The following PCDHGB4 variants were observed in gnomAD, a reference collection of about 807,000 sequenced individuals.
PCDHGB4 encodes the protein protocadherin gamma-B4.
A neutral mutation model predicts 60.5 loss-of-function variants in PCDHGB4; 38 were observed. That is an observed-to-expected ratio of 0.63 (90% CI 0.48 to 0.82). PCDHGB4 has a LOEUF of 0.82. Among genes scored for constraint, PCDHGB4 ranks in the 40% least tolerant of loss-of-function variants. The pLI is 0.00. For missense variants in PCDHGB4, 1,109 were observed against 1,209.6 expected, an observed-to-expected ratio of 0.92 and a Z score of 1.23; for synonymous variants, 456 against 509.7, an observed-to-expected ratio of 0.89 and a Z score of 1.42.
At position 141,422,169 on chromosome 5, in the gene PCDHGB4, A is replaced by G. The variant is rs1386896405; in HGVS notation, c.2397+31888A>G. 2.6e-6 allele frequency: 4 copies of G among 1,563,898 alleles called. No homozygotes were observed. In the South Asian group the frequency reaches 4.9e-5, roughly 19 times the overall value. On this transcript the variant is annotated intron_variant, in intron 1 of 3. Coordinates refer to ENST00000519479, the MANE Select transcript of PCDHGB4 (RefSeq NM_003736.4). ...GGTCTCTGGATTTTGAAAAATATAG[A>G]TTCTATGAGATGGAAATTCAAGGCC...
chr5:141,497,775 A>G (rs2099779384), intron 2 of PCDHGB4, among the ~76,000 whole-genome samples: 2 of 152,054 alleles, frequency 1.3e-5, no homozygotes, highest in South Asian at 4.2e-4. Context: ...CCCGACCTCA[A>G]CTGATCCACC....
chr5:141,423,501 C>G, intron 1 of PCDHGB4: 1 of 1,613,990 alleles, frequency 6.2e-7, no homozygotes, highest in African/African-American at 1.3e-5. Flanking sequence ...CCCACGAGGT[C>G]TCTCTCATTG....
chr5:141,419,564 C>A (rs2096400387), intron 1 of PCDHGB4: 5 of 1,611,832 alleles, frequency 3.1e-6, no homozygotes, highest in Non-Finnish European at 4.2e-6. Context: ...TGCGCTGGGT[C>A]CCGACGGCTC....
intron 3 of PCDHGB4, among the ~76,000 whole-genome samples, chr5:141,509,065 T>A (rs1294546432): frequency 6.6e-6 from 1 of 152,018 alleles, no homozygotes; most frequent in Non-Finnish European, 1.5e-5. Context: ...AGCTCTCAGC[T>A]CCGGGGATTT....
chr5:141,455,753 G>T (rs2098830630), intron 1 of PCDHGB4, among the ~76,000 whole-genome samples: 1 of 152,074 alleles, frequency 6.6e-6, no homozygotes, highest in Non-Finnish European at 1.5e-5. Flanking sequence ...TGCTGGCCTG[G>T]CTCCTAGAGC....
At chr5:141,435,884 C>G (rs1020738994) in intron 1 of PCDHGB4, among the ~76,000 whole-genome samples, 9 of 152,070 alleles carry the variant, frequency 5.9e-5, no homozygotes, top group African/African-American at 1.9e-4. Flanking sequence ...ATTGGAAACC[C>G]CTTAGAGAAT....
intron 1 of PCDHGB4, among the ~76,000 whole-genome samples, chr5:141,425,497 CT>C (rs2096879671): frequency 6.6e-6 from 1 of 152,164 alleles, no homozygotes; most frequent in African/African-American, 2.4e-5. Context: ...TAGGCTATAC[CT>C]TTATATTCTC....
chr5:141,457,413 A>C (rs939244132), intron 1 of PCDHGB4, among the ~76,000 whole-genome samples: 6 of 152,142 alleles, frequency 3.9e-5, no homozygotes, highest in Non-Finnish European at 5.9e-5. Flanking sequence ...CACATTACCC[A>C]TCCCTTTTTC....
intron 1 of PCDHGB4, among the ~76,000 whole-genome samples, chr5:141,469,414 A>C (rs1455286338): frequency 1.3e-5 from 2 of 152,118 alleles, no homozygotes; most frequent in Non-Finnish European, 2.9e-5. Flanking sequence ...GTTTCTACTA[A>C]AAATATAAAA....
At chr5:141,405,966 C>T (rs1226823491) in intron 1 of PCDHGB4, among the ~76,000 whole-genome samples, 3 of 151,986 alleles carry the variant, frequency 2.0e-5, no homozygotes, top group South Asian at 4.1e-4. Flanking sequence ...CTGCTGTCAA[C>T]GTAAACCATA....
At chr5:141,413,605 G>A in intron 1 of PCDHGB4, 1 of 1,613,854 alleles carries the variant, frequency 6.2e-7, no homozygotes, top group Non-Finnish European at 8.5e-7. Flanking sequence ...AAATCTAGAC[G>A]TAAAAATTAA....
chr5:141,481,066 A>G (rs1366968394), intron 1 of PCDHGB4, among the ~76,000 whole-genome samples: 1 of 152,156 alleles, frequency 6.6e-6, no homozygotes, highest in Non-Finnish European at 1.5e-5. Flanking sequence ...TCAAAAACAA[A>G]AAGAAAGAAA....
intron 1 of PCDHGB4, chr5:141,399,330 A>G: frequency 6.2e-7 from 1 of 1,613,994 alleles, no homozygotes; most frequent in South Asian, 1.1e-5. Flanking sequence ...ATAAGTTGGT[A>G]ACAGATGGAA....
intron 1 of PCDHGB4, chr5:141,428,067 G>A (rs753358896): frequency 6.2e-7 from 1 of 1,609,228 alleles, no homozygotes; most frequent in South Asian, 1.1e-5. Flanking sequence ...GGTGGACGCA[G>A]ATTCGGGACA....
At chr5:141,410,124 G>T in intron 1 of PCDHGB4, 1 of 1,612,726 alleles carries the variant, frequency 6.2e-7, no homozygotes, top group South Asian at 1.1e-5. Flanking sequence ...GCCCGCCAGC[G>T]CCTGCTGGTC....
intron 1 of PCDHGB4, among the ~76,000 whole-genome samples, chr5:141,460,724 A>G (rs1294708205): frequency 6.6e-6 from 1 of 152,114 alleles, no homozygotes; most frequent in Non-Finnish European, 1.5e-5. Flanking sequence ...TGTTATAAGC[A>G]TATATACACA....
chr5:141,470,911 G>A (rs1208467445), intron 1 of PCDHGB4, among the ~76,000 whole-genome samples: 1 of 151,916 alleles, frequency 6.6e-6, no homozygotes, highest in Non-Finnish European at 1.5e-5. Context: ...AGATGGGACT[G>A]TCCCTATGTT....
rs373297942 is a variant in PCDHGB4, at chr5:141,431,494, C to T, written c.2397+41213C>T. On this transcript the variant is annotated intron_variant, in intron 1 of 3. Coordinates refer to ENST00000519479, the MANE Select transcript of PCDHGB4 (RefSeq NM_003736.4). This position sits in a 1 kb window ranked among gnomAD's most constrained non-coding sequence, Gnocchi z 4.8. ...ACAACGCACCAGCGTTTGCTCAGCC[C>T]GAGTACCGCGCGAGCGTTCCGGAGA... 107 of 1,613,838 alleles carry T rather than the reference C, an allele frequency of 6.6e-5. No homozygotes were observed. Among genetic ancestry groups the T allele is most frequent in the Middle Eastern group, 1.6e-4 (1 of 6,084 alleles).
intron 1 of PCDHGB4, among the ~76,000 whole-genome samples, chr5:141,494,113 C>G (rs2099751999): frequency 6.6e-6 from 1 of 152,214 alleles, no homozygotes; most frequent in Non-Finnish European, 1.5e-5. Flanking sequence ...TCAGACAGAG[C>G]AGCCTTGTTC....
Sources: allele counts gnomAD v4.1 joint callset (sites outside exome capture counted in the v4.1 genomes callset), GRCh38; gene constraint gnomAD v4.1.1; non-coding constraint Gnocchi (gnomAD v3.1); transcripts MANE v1.5; gene names NCBI Gene and HGNC (gene_info 2026-07-23, HGNC 2026-07-21).